Variants in WDR36 observed in about 807,000 individuals in gnomAD.
WDR36 encodes the protein WD repeat-containing protein 36.
Under a neutral mutation model 112.7 loss-of-function variants are expected in WDR36, and 63 were observed. The observed-to-expected ratio is 0.56, with a 90% CI of 0.46 to 0.69. The LOEUF is 0.69. Among genes scored for constraint, WDR36 ranks in the 30% least tolerant of loss-of-function variants. The pLI is 0.00. For missense variants in WDR36, 1,226 were observed against 1,070.3 expected, an observed-to-expected ratio of 1.15 and a Z score of -2.03; for synonymous variants, 410 against 362.2, an observed-to-expected ratio of 1.13 and a Z score of -1.50.
At chr5:111,094,688 A>G (rs1409384298) in intron 1 of WDR36, among the ~76,000 whole-genome samples, 1 of 152,190 alleles carries the variant, frequency 6.6e-6, no homozygotes, top group African/African-American at 2.4e-5. Context: ...AAAATATTTA[A>G]TATTTGGCCC....
intron 11 of WDR36, 129 bp from the exon 12 acceptor site, chr5:111,107,165 T>C: frequency 4.9e-6 from 5 of 1,028,628 alleles, no homozygotes; most frequent in South Asian, 3.0e-5. Flanking sequence ...TGGAAACATA[T>C]TGCTATCAGA....
chr5:111,127,367 G>A lies in WDR36; in HGVS notation c.*484G>A, dbSNP rs534170126. ...TGCATGTTCACTGTGAAGTATTGCT[G>A]AATTAAATTGAAAATGTCAGATAAA... On this transcript the variant is annotated 3_prime_UTR_variant, in exon 23 of 23. Transcript: ENST00000513710. 1 of 199,918 alleles carries A rather than the reference G, an allele frequency of 5.0e-6. No homozygotes were observed. Among genetic ancestry groups the A allele is most frequent in the African/African-American group, 2.3e-5 (1 of 43,622 alleles). The allele number at this position is 199,918 out of a possible 1,614,324, so 12.4% of individuals were successfully genotyped here.
intron 16 of WDR36, among the ~76,000 whole-genome samples, chr5:111,117,481 CCT>C (rs1307700830): frequency 6.6e-6 from 1 of 151,996 alleles, no homozygotes; most frequent in African/African-American, 2.4e-5. Flanking sequence ...AAGCTGTTGC[CCT>C]GTTTTTGTGT....
In WDR36 at chr5:111,104,326, A is replaced by G. The variant is rs1753180040; in HGVS notation, c.880A>G (p.Thr294Ala). 1 of 1,611,980 alleles carries G rather than the reference A, an allele frequency of 6.2e-7. No individual in the cohort carries two copies. Among genetic ancestry groups the G allele is most frequent in the Non-Finnish European group, 8.5e-7 (1 of 1,178,436 alleles). The change falls in exon 8 of 23, where the codon ACA becomes GCA. Residue 294 changes from threonine (T) to alanine (A), a missense_variant. Coordinates refer to ENST00000513710, the MANE Select transcript of WDR36 (RefSeq NM_139281.3). Reference sequence around the variant, plus strand: ...TCTCCATAGAGAGCCACTTCTTGTCACAAATGGCGCTGACAATGCTCTTAG... The same window carrying G: ...TCTCCATAGAGAGCCACTTCTTGTCGCAAATGGCGCTGACAATGCTCTTAG... ...TFLHREPLLVTNGADNALRIW... is the reference protein window; with the variant it reads ...TFLHREPLLVANGADNALRIW...
At chr5:111,119,775 T>C (rs1403825665) in intron 17 of WDR36, among the ~76,000 whole-genome samples, 1 of 152,138 alleles carries the variant, frequency 6.6e-6, no homozygotes, top group African/African-American at 2.4e-5. Flanking sequence ...GGAATTTTAA[T>C]ATATAATAGA....
chr5:111,092,658 C>G (rs745707516), intron 1 of WDR36, 40 bp downstream of exon 1: 1 of 1,584,320 alleles, frequency 6.3e-7, no homozygotes, highest in Non-Finnish European at 8.6e-7. Context: ...GAAAACCACC[C>G]TCCTTGGCCT....
intron 15 of WDR36, 157 bp downstream of exon 15, chr5:111,111,435 T>C: frequency 1.5e-6 from 1 of 658,572 alleles, no homozygotes; most frequent in South Asian, 1.7e-5. Flanking sequence ...GAATTAAAAG[T>C]TTAATATTTT....
At chr5:111,114,625 CGAATT>C (rs1753419629) in intron 16 of WDR36, among the ~76,000 whole-genome samples, 4 of 152,068 alleles carry the variant, frequency 2.6e-5, no homozygotes, top group African/African-American at 9.7e-5. Context: ...GAAGCAAAAT[CGAATT>C]TATTGACTGT....
At chr5:111,103,533 G>C (rs1443188514) in intron 6 of WDR36, among the ~76,000 whole-genome samples, 1 of 151,698 alleles carries the variant, frequency 6.6e-6, no homozygotes, top group South Asian at 2.1e-4. Context: ...TTACCAGCTA[G>C]GTTTTGGGAA....
At chr5:111,121,174 A>T (rs760619973) in intron 19 of WDR36, 33 bp downstream of exon 19, 2 of 1,611,816 alleles carry the variant, frequency 1.2e-6, no homozygotes, top group Non-Finnish European at 1.7e-6. Context: ...GACCCTAAGC[A>T]TGCATCCAGA....
chr5:111,107,725 T>G (rs1321190720), intron 12 of WDR36, among the ~76,000 whole-genome samples: 2 of 151,008 alleles, frequency 1.3e-5, no homozygotes, highest in Admixed American at 1.3e-4. Context: ...GTCCCAGCAC[T>G]ATTTGTTCAA....
chr5:111,097,290 T>C (rs906869547), intron 3 of WDR36, 111 bp downstream of exon 3: 3 of 777,076 alleles, frequency 3.9e-6, no homozygotes, highest in East Asian at 5.3e-5. Context: ...CTATACAGTA[T>C]TCTTTTTTTT....
At chr5:111,124,404 T>G (rs1753634074) in intron 21 of WDR36, among the ~76,000 whole-genome samples, 1 of 152,136 alleles carries the variant, frequency 6.6e-6, no homozygotes. Context: ...CTGTTGAAGA[T>G]TTTTCATATA....
chr5:111,103,666 C>T (rs1490120393), intron 6 of WDR36, 120 bp from the exon 7 acceptor site: 7 of 1,297,218 alleles, frequency 5.4e-6, no homozygotes, highest in Middle Eastern at 4.6e-4. Flanking sequence ...AGTTTTTCTG[C>T]CATCTTTTAG....
chr5:111,097,650 A>G (rs186042815), intron 3 of WDR36, among the ~76,000 whole-genome samples: 10 of 152,336 alleles, frequency 6.6e-5, no homozygotes, highest in East Asian at 1.9e-4. Flanking sequence ...GCTAGATTCT[A>G]TGTTTTCTCC....
Position 111,128,695 on chromosome 5 carries a change from A to T in WDR36, c.*1812A>T, listed in dbSNP as rs11948089. The T allele has an allele frequency of 0.17, 31,700 of 182,550 alleles. 3,155 individuals are homozygous for T. The highest frequency in any genetic ancestry group is 0.28 in the African/African-American group (11,885 of 42,594). 11.3% of individuals were successfully genotyped at this position (182,550 alleles called of 1,614,324 possible). A position where few individuals can be genotyped will look rare whatever the true frequency, so the allele number is the denominator to read the frequency against. ...TGTTACCAGAGATATATTTAGATAG[A>T]ATACATCATTTTGGCAGGTAATCTT... On this transcript the variant is annotated 3_prime_UTR_variant, in exon 23 of 23. Coordinates refer to ENST00000513710, the MANE Select transcript of WDR36 (RefSeq NM_139281.3).
Position 111,129,893 on chromosome 5 carries a change from C to T in WDR36, c.*3010C>T. On this transcript the variant is annotated 3_prime_UTR_variant, in exon 23 of 23. Coordinates refer to ENST00000513710, the MANE Select transcript of WDR36 (RefSeq NM_139281.3). The stretch of plus-strand genomic sequence containing the variant: ...GAATTGATTTTTCTGAAGAGTGAAA[C>T]AGCGCTGCTTCCAATATCTGTTCAA... 4.8e-6 allele frequency: 1 copy of T among 209,890 alleles called. No individual in the cohort carries two copies. The highest frequency in any genetic ancestry group is 7.2e-5 in the East Asian group (1 of 13,826). 13.0% of individuals were successfully genotyped at this position (209,890 alleles called of 1,614,324 possible). A position where few individuals can be genotyped will look rare whatever the true frequency, so the allele number is the denominator to read the frequency against.
intron 19 of WDR36, among the ~76,000 whole-genome samples, chr5:111,123,496 T>C (rs1396046533): frequency 6.6e-6 from 1 of 151,822 alleles, no homozygotes; most frequent in Non-Finnish European, 1.5e-5. Flanking sequence ...AATTACTTAA[T>C]TGTTATATCT....
At chr5:111,125,302 T>C (rs777279451) in intron 21 of WDR36, among the ~76,000 whole-genome samples, 4 of 152,196 alleles carry the variant, frequency 2.6e-5, no homozygotes, top group Admixed American at 6.5e-5. Context: ...AGAGAAGATA[T>C]ATGAGCATTT....
Sources: allele counts gnomAD v4.1 joint callset (sites outside exome capture counted in the v4.1 genomes callset), GRCh38; gene constraint gnomAD v4.1.1; transcripts MANE v1.5; gene names NCBI Gene and HGNC (gene_info 2026-07-23, HGNC 2026-07-21).